The following FUBP3 variants were observed in gnomAD, a reference collection of about 807,000 sequenced individuals.
FUBP3 encodes far upstream element binding protein 3.
FUBP3 carries 28 observed loss-of-function variants against 85.6 expected under a neutral mutation model. The observed-to-expected ratio is 0.33, with a 90% CI of 0.24 to 0.45. The LOEUF is 0.45. Ranked by LOEUF, FUBP3 falls within the 20% of genes least tolerant of loss-of-function variation. FUBP3 has a pLI of 1.00. For synonymous variants in FUBP3, 271 were observed against 271.4 expected (o/e 1.00, Z 0.01); for missense variants, 583 against 755.1 (o/e 0.77, Z 2.67).
At position 130,637,128 on chromosome 9, in the gene FUBP3, T is replaced by G. The variant is rs1420303136; in HGVS notation, c.*106T>G. 2 of 935,418 alleles carry G rather than the reference T, an allele frequency of 2.1e-6. No homozygotes were observed. Among genetic ancestry groups the G allele is most frequent in the Non-Finnish European group, 3.5e-6 (2 of 568,246 alleles). The allele number at this position is 935,418 out of a possible 1,614,324, so 57.9% of individuals were successfully genotyped here. On this transcript the variant is annotated 3_prime_UTR_variant, in exon 19 of 19. Coordinates refer to ENST00000319725, the MANE Select transcript of FUBP3 (RefSeq NM_003934.2). ...AAACCTTTTGATGAAGAACTGTTGT[T>G]TTGTTCTGTGAAACACTATATTTAG...
At position 130,616,095 on chromosome 9, in the gene FUBP3, A is replaced by G. The variant is rs1831994424; in HGVS notation, c.405-260A>G. Among the ~76,000 whole-genome samples, 1 of 152,018 alleles carries G rather than the reference A, an allele frequency of 6.6e-6. No homozygotes were observed. Among genetic ancestry groups the G allele is most frequent in the Non-Finnish European group, 1.5e-5 (1 of 68,044 alleles). ...ACGACACCTTTGTGGAGACACAAGC[A>G]TGAGCAGAGGGCAGGCTTGAAAGGG... is the stretch of plus-strand genomic sequence containing the variant. On this transcript the variant is annotated intron_variant, in intron 6 of 18. Coordinates refer to ENST00000319725, the MANE Select transcript of FUBP3 (RefSeq NM_003934.2). This position sits in a 1 kb window ranked among gnomAD's most constrained non-coding sequence, Gnocchi z 4.7.
chr9:130,598,462 G>A (rs1830975879), intron 2 of FUBP3, among the ~76,000 whole-genome samples: 1 of 152,206 alleles, frequency 6.6e-6, no homozygotes, highest in Non-Finnish European at 1.5e-5. Context: ...CCGTTAGTGA[G>A]GTGTGTGCAC....
chr9:130,622,739 T>TA lies in FUBP3; in HGVS notation c.805dup (p.Ile269AsnfsTer14). The TA allele has an allele frequency of 6.3e-7, 1 of 1,599,788 alleles. No homozygotes were observed. Among genetic ancestry groups the TA allele is most frequent in the Non-Finnish European group, 8.6e-7 (1 of 1,169,224 alleles). ...GTGCCTAGGTTTGCTGTGGGGATTG[T>TA]AATAGGAAGAAACGGGGAAATGATC... On this transcript the variant is annotated frameshift_variant, in exon 10 of 19. Coordinates refer to ENST00000319725, the MANE Select transcript of FUBP3 (RefSeq NM_003934.2). LOFTEE classifies it high-confidence loss of function.
chr9:130,632,408 C>T, intron 16 of FUBP3, 130 bp downstream of exon 16: 1 of 701,936 alleles, frequency 1.4e-6, no homozygotes, highest in Admixed American at 2.2e-5. Flanking sequence ...GACAAGGAGC[C>T]CTCTGGGTGG....
chr9:130,619,450 C>T (rs1427779096), intron 8 of FUBP3, among the ~76,000 whole-genome samples: 2 of 152,000 alleles, frequency 1.3e-5, no homozygotes, highest in Non-Finnish European at 2.9e-5. Context: ...ATGACACTAC[C>T]CCTAAATCCT....
chr9:130,606,413 C>G (rs1229222567), intron 2 of FUBP3, among the ~76,000 whole-genome samples: 1 of 152,210 alleles, frequency 6.6e-6, no homozygotes, highest in Non-Finnish European at 1.5e-5. Flanking sequence ...ACTCACTCAC[C>G]TGCCTCTGGC....
chr9:130,597,430 C>T (rs1830926983), intron 2 of FUBP3, among the ~76,000 whole-genome samples: 1 of 152,242 alleles, frequency 6.6e-6, no homozygotes, highest in African/African-American at 2.4e-5. Flanking sequence ...AACAGCTACA[C>T]AGCCTTTGGA....
Position 130,634,728 on chromosome 9 carries a change from C to T in FUBP3, c.1572C>T (p.Tyr524=). The T allele has an allele frequency of 6.2e-7, 1 of 1,613,548 alleles. No individual in the cohort carries two copies. Among genetic ancestry groups the T allele is most frequent in the South Asian group, 1.1e-5 (1 of 91,030 alleles). Residue 524 remains tyrosine, a synonymous_variant, in exon 17 of 19, where the codon TAC becomes TAT. Coordinates refer to ENST00000319725, the MANE Select transcript of FUBP3 (RefSeq NM_003934.2). The part of the protein sequence containing the change: ...PNYSKAWEDY[Y]KKQSHAASAA... ...ACAGCAAGGCCTGGGAAGACTATTA[C>T]AAAAAACAGAGTGAGTGCCCGGCCC...
chr9:130,596,151 A>G (rs571170720), intron 2 of FUBP3, among the ~76,000 whole-genome samples: 1 of 152,284 alleles, frequency 6.6e-6, no homozygotes, highest in East Asian at 1.9e-4. Flanking sequence ...ATTTGAGAAC[A>G]CTTAGAAGTG....
intron 16 of FUBP3, among the ~76,000 whole-genome samples, chr9:130,633,432 T>C (rs1266081084): frequency 6.6e-6 from 1 of 152,142 alleles, no homozygotes; most frequent in Non-Finnish European, 1.5e-5. Context: ...GGCAGCAAGG[T>C]GGCCAGGATT....
At chr9:130,615,676 CAGG>C (rs762457169) in intron 6 of FUBP3, among the ~76,000 whole-genome samples, 8 of 152,204 alleles carry the variant, frequency 5.3e-5, no homozygotes, top group Non-Finnish European at 8.8e-5. Context: ...ACACAAATAG[CAGG>C]ACACGTGACA....
chr9:130,632,953 C>T (rs997428184), intron 16 of FUBP3, among the ~76,000 whole-genome samples: 6 of 152,286 alleles, frequency 3.9e-5, no homozygotes, highest in Admixed American at 6.5e-5. Flanking sequence ...TTTGACCCAT[C>T]TGGAGTTTCT....
At chr9:130,584,821 A>G (rs1402790559) in intron 1 of FUBP3, among the ~76,000 whole-genome samples, 1 of 152,020 alleles carries the variant, frequency 6.6e-6, no homozygotes, top group African/African-American at 2.4e-5. Context: ...GTGAGCCGGG[A>G]TGGTGCCACT....
At chr9:130,626,531 C>T (rs375999727) in intron 12 of FUBP3, 26 bp downstream of exon 12, 248 of 1,606,730 alleles carry the variant, frequency 1.5e-4, no homozygotes, top group Non-Finnish European at 2.1e-4. Context: ...GGTTTCACAT[C>T]CCCCCTCAGC....
At chr9:130,606,619 G>A (rs11792294) in intron 2 of FUBP3, among the ~76,000 whole-genome samples, 66,422 of 151,884 alleles carry the variant, frequency 0.44, 16,454 homozygotes, top group South Asian at 0.58. Context: ...TCGGGAGTTC[G>A]AGACCAGCCT....
At chr9:130,579,835 C>A in intron 1 of FUBP3, 71 bp downstream of exon 1, 1 of 850,832 alleles carries the variant, frequency 1.2e-6, no homozygotes, top group South Asian at 5.9e-5. Flanking sequence ...AAGAGGGGTT[C>A]GGGCCTGGGG....
chr9:130,627,402 C>G (rs1048435850), intron 12 of FUBP3, among the ~76,000 whole-genome samples: 1 of 152,206 alleles, frequency 6.6e-6, no homozygotes, highest in Non-Finnish European at 1.5e-5. Context: ...TCACCAAATA[C>G]CCCTTAGCTG....
At chr9:130,588,685 T>C (rs1480356023) in intron 1 of FUBP3, among the ~76,000 whole-genome samples, 1 of 152,226 alleles carries the variant, frequency 6.6e-6, no homozygotes, top group Non-Finnish European at 1.5e-5. Flanking sequence ...AGAAGGTCAC[T>C]GTGACAATTA....
intron 1 of FUBP3, among the ~76,000 whole-genome samples, chr9:130,595,244 A>G (rs1171193835): frequency 1.3e-5 from 2 of 150,820 alleles, no homozygotes; most frequent in Non-Finnish European, 2.9e-5. Context: ...AAAAAAAAAA[A>G]AGGATACTAA....
Sources: gnomAD v4.1 joint callset for allele counts (sites outside exome capture counted in the v4.1 genomes callset) on GRCh38, gnomAD v4.1.1 for gene constraint, Gnocchi (gnomAD v3.1) non-coding constraint, MANE v1.5 for transcripts, NCBI Gene and HGNC (gene_info 2026-07-23, HGNC 2026-07-21) for gene names.